MAP2: variants seen among roughly 807,000 people sequenced by gnomAD.
The protein encoded by MAP2 is microtubule associated protein 2.
MAP2 carries 14 observed loss-of-function variants against 137.6 expected under a neutral mutation model. That is an observed-to-expected ratio of 0.10 (90% confidence interval 0.07 to 0.16). The LOEUF (loss-of-function observed/expected upper bound fraction) is 0.16. MAP2 is among the 10% of genes least tolerant of loss of function. MAP2 has a pLI of 1.00. For missense variants in MAP2, 2,088 were observed against 2,191.5 expected (o/e 0.95, Z 0.94); for synonymous variants, 786 against 782.3 (o/e 1.00, Z -0.08).
Position 209,594,214 on chromosome 2 carries a change from G to T in MAP2, c.-107+14114G>T, listed in dbSNP as rs183176043. Among the ~76,000 whole-genome samples the T allele has an allele frequency of 2.7e-5, 4 of 150,064 alleles. No homozygotes were observed. The Admixed American group carries it at 2.7e-4, about 10-fold the overall frequency. On this transcript the variant is annotated intron_variant, in intron 3 of 15. Transcript: ENST00000682079. ...GGCAAGCTGGCAATGAGCAGGGTAA[G>T]ATCTTTGCACATCCACCATGTGTTT...
chr2:209,656,734 G>A (rs2095174059), intron 5 of MAP2, among the ~76,000 whole-genome samples: 1 of 151,928 alleles, frequency 6.6e-6, no homozygotes, highest in African/African-American at 2.4e-5. Context: ...GTTATAATAA[G>A]TCTAAAGCGT....
At chr2:209,443,263 AG>A (rs1698262348) in intron 1 of MAP2, among the ~76,000 whole-genome samples, 1 of 150,666 alleles carries the variant, frequency 6.6e-6, no homozygotes, top group Non-Finnish European at 1.5e-5. Context: ...TTTCAAAACC[AG>A]CTCAGTTTTT....
At chr2:209,721,941 C>T (rs1476136097) in intron 13 of MAP2, 3 of 152,156 alleles carry the variant, frequency 2.0e-5, no homozygotes, top group East Asian at 1.9e-4. Flanking sequence ...TTCTCCCATC[C>T]GAGTACTAAT....
At chr2:209,714,809 TC>T (rs1273904408) in intron 13 of MAP2, among the ~76,000 whole-genome samples, 2 of 152,198 alleles carry the variant, frequency 1.3e-5, no homozygotes, top group African/African-American at 4.8e-5. Flanking sequence ...ATATCATCCT[TC>T]CATGGCTGAG....
Position 209,711,747 on chromosome 2 carries a change from G to A in MAP2, c.5073+1493G>A, listed in dbSNP as rs543507850. Among the ~76,000 whole-genome samples the A allele has an allele frequency of 5.9e-5, 9 of 152,102 alleles. 1 individual carries two copies. The South Asian group carries it at 1.9e-3, about 32-fold the overall frequency. ...TACATAAATAATTTAAAAGTGTAAGGTGAATAAAATCAATTTAGTACCATT... is the reference window on the plus strand; with the variant it reads ...TACATAAATAATTTAAAAGTGTAAGATGAATAAAATCAATTTAGTACCATT... On this transcript the variant is annotated intron_variant, in intron 13 of 15. Transcript: ENST00000682079.
chr2:209,590,646 A>C (rs1329585286), intron 3 of MAP2, among the ~76,000 whole-genome samples: 1 of 152,208 alleles, frequency 6.6e-6, no homozygotes, highest in African/African-American at 2.4e-5. Flanking sequence ...CAAATTAATA[A>C]AAATTTTAAA....
In MAP2 at chr2:209,573,269, TTTTTTCTTTTCTTTA is replaced by T. The variant is rs1390981630; in HGVS notation, c.-171-6756_-171-6742del. On this transcript the variant is annotated intron_variant, in intron 2 of 15. Coordinates refer to ENST00000682079, the MANE Select transcript of MAP2 (RefSeq NM_001375505.1). ...TTTTATTACTTTTTTATCTTTCTTT[TTTTTTCTTTTCTTTA>T]TTTTTCTTTTTCTGTTTTTTTTTTT... 1.1e-4 allele frequency among the ~76,000 whole-genome samples: 16 copies of T among 151,766 alleles called. 1 individual carries two copies. In the East Asian group the frequency reaches 2.9e-3, roughly 27 times the overall value.
At chr2:209,459,574 C>T (rs750332365) in intron 1 of MAP2, among the ~76,000 whole-genome samples, 3 of 152,192 alleles carry the variant, frequency 2.0e-5, no homozygotes, top group Admixed American at 6.5e-5. Context: ...TGGTGTCTAG[C>T]TCTCATACAT....
intron 1 of MAP2, among the ~76,000 whole-genome samples, chr2:209,451,265 A>AG (rs1202738151): frequency 2.0e-5 from 3 of 152,142 alleles, no homozygotes; most frequent in African/African-American, 4.8e-5. Context: ...TACCCTGGTG[A>AG]GGGGGTGAGT....
intron 13 of MAP2, among the ~76,000 whole-genome samples, chr2:209,721,054 C>T (rs555247755): frequency 1.3e-5 from 2 of 151,850 alleles, no homozygotes; most frequent in Non-Finnish European, 2.9e-5. Flanking sequence ...GTGGAATGAA[C>T]TCTAAGATGC....
At chr2:209,534,101 A>G (rs2065586262) in intron 2 of MAP2, among the ~76,000 whole-genome samples, 1 of 152,194 alleles carries the variant, frequency 6.6e-6, no homozygotes, top group African/African-American at 2.4e-5. Flanking sequence ...TCCACCTTCA[A>G]GCATAGACCA....
At chr2:209,639,263 C>A (rs762733865) in intron 4 of MAP2, among the ~76,000 whole-genome samples, 11 of 152,012 alleles carry the variant, frequency 7.2e-5, no homozygotes, top group Non-Finnish European at 1.5e-4. Context: ...CAATACCCAT[C>A]AAAATTGTAT....
At chr2:209,691,183 C>T (rs2058779717) in intron 7 of MAP2, among the ~76,000 whole-genome samples, 1 of 150,914 alleles carries the variant, frequency 6.6e-6, no homozygotes, top group Non-Finnish European at 1.5e-5. Flanking sequence ...ATTGCTAATA[C>T]ATGTATATTT....
intron 5 of MAP2, among the ~76,000 whole-genome samples, chr2:209,666,356 C>G (rs2046306614): frequency 1.3e-5 from 2 of 151,974 alleles, no homozygotes; most frequent in Non-Finnish European, 2.9e-5. Flanking sequence ...GAGTTTGATG[C>G]AAATATAGTA....
At chr2:209,639,433 C>G (rs937009609) in intron 4 of MAP2, among the ~76,000 whole-genome samples, 1 of 151,852 alleles carries the variant, frequency 6.6e-6, no homozygotes, top group Non-Finnish European at 1.5e-5. Flanking sequence ...TAGAATCTAG[C>G]CCCTTGTTTC....
intron 5 of MAP2, among the ~76,000 whole-genome samples, chr2:209,674,918 G>T (rs1307474994): frequency 1.3e-5 from 2 of 151,740 alleles, no homozygotes; most frequent in African/African-American, 4.8e-5. Flanking sequence ...TCCAATGAGA[G>T]AAGCCCATCT....
chr2:209,704,428 G>T (rs771625719), intron 11 of MAP2: 2 of 1,582,270 alleles, frequency 1.3e-6, no homozygotes, highest in South Asian at 2.4e-5. Context: ...TTGTGCTTTT[G>T]TTTGTTTTCT....
chr2:209,540,119 A>G (rs1008631735), intron 2 of MAP2, among the ~76,000 whole-genome samples: 41 of 150,046 alleles, frequency 2.7e-4, no homozygotes, highest in African/African-American at 9.5e-4. Context: ...AAAAAAAAAA[A>G]AAAAGCCACA....
At chr2:209,475,780 C>A (rs1707052440) in intron 1 of MAP2, among the ~76,000 whole-genome samples, 1 of 152,072 alleles carries the variant, frequency 6.6e-6, no homozygotes, top group South Asian at 2.1e-4. Flanking sequence ...ATTATGTCAA[C>A]TTGTATGGAA....
Sources: allele counts gnomAD v4.1 joint callset (sites outside exome capture counted in the v4.1 genomes callset), GRCh38; gene constraint gnomAD v4.1.1; transcripts MANE v1.5; gene names NCBI Gene and HGNC (gene_info 2026-07-23, HGNC 2026-07-21).